The following BCAR3 variants were observed in gnomAD, a reference collection of about 807,000 sequenced individuals.
BCAR3 encodes breast cancer anti-estrogen resistance protein 3.
In BCAR3, 37 loss-of-function variants were observed where a neutral mutation model predicts 80.1. That is an observed-to-expected ratio of 0.46 (90% CI 0.36 to 0.61). The LOEUF is 0.61. Ranked by LOEUF, BCAR3 falls within the 20% of genes least tolerant of loss-of-function variation. The pLI is 0.00. For synonymous variants in BCAR3, 389 were observed against 418.9 expected (o/e 0.93, Z 0.87); for missense variants, 978 against 1,068.2 (o/e 0.92, Z 1.18).
chr1:93,699,667 T>C (rs1471367122), intron 3 of BCAR3, among the ~76,000 whole-genome samples: 1 of 152,168 alleles, frequency 6.6e-6, no homozygotes, highest in Non-Finnish European at 1.5e-5. Flanking sequence ...ACAAAGCATT[T>C]TCTCTCAGAG....
chr1:93,624,122 G>C (rs1675390495), intron 3 of BCAR3, among the ~76,000 whole-genome samples: 3 of 152,150 alleles, frequency 2.0e-5, no homozygotes, highest in Non-Finnish European at 4.4e-5. Flanking sequence ...CCCACACCCA[G>C]CACCTCCCAG....
At chr1:93,621,729 A>G (rs1349648032) in intron 3 of BCAR3, among the ~76,000 whole-genome samples, 2 of 152,194 alleles carry the variant, frequency 1.3e-5, no homozygotes, top group South Asian at 4.1e-4. Context: ...GAAAATTGGA[A>G]GAGCTACAAG....
intron 2 of BCAR3, among the ~76,000 whole-genome samples, chr1:93,645,896 G>A (rs1472072237): frequency 6.6e-6 from 1 of 151,854 alleles, no homozygotes; most frequent in Non-Finnish European, 1.5e-5. Context: ...CCTTTCATAT[G>A]AAAATTTAGG....
At chr1:93,798,146 G>T (rs1257700446) in intron 2 of BCAR3, among the ~76,000 whole-genome samples, 1 of 152,180 alleles carries the variant, frequency 6.6e-6, no homozygotes, top group African/African-American at 2.4e-5. Flanking sequence ...TGGACATGCT[G>T]TAATATAGGA....
intron 2 of BCAR3, among the ~76,000 whole-genome samples, chr1:93,782,293 G>A (rs910300466): frequency 5.9e-5 from 9 of 152,168 alleles, no homozygotes; most frequent in African/African-American, 2.2e-4. Context: ...TAATGTTCCT[G>A]GGGACCACTT....
At chr1:93,828,646 C>G (rs115224561) in intron 2 of BCAR3, among the ~76,000 whole-genome samples, 2 of 152,118 alleles carry the variant, frequency 1.3e-5, no homozygotes, top group African/African-American at 4.8e-5. Flanking sequence ...TAAAAGTGGA[C>G]AGTTTTCCCT....
At chr1:93,658,125 C>A (rs1056206515) in intron 2 of BCAR3, among the ~76,000 whole-genome samples, 2 of 151,740 alleles carry the variant, frequency 1.3e-5, no homozygotes, top group African/African-American at 4.8e-5. Context: ...ATTTTTAGTA[C>A]AGATGGGGTT....
chr1:93,827,185 G>C (rs1016977428), intron 2 of BCAR3, among the ~76,000 whole-genome samples: 2 of 152,140 alleles, frequency 1.3e-5, no homozygotes, highest in African/African-American at 4.8e-5. Context: ...TCTAACAAGT[G>C]AAACAAAAGC....
intron 2 of BCAR3, among the ~76,000 whole-genome samples, chr1:93,749,886 C>CTTTTTTTTTTTTTT (rs754541949): frequency 7.1e-6 from 1 of 140,402 alleles, no homozygotes; most frequent in Non-Finnish European, 1.5e-5. Flanking sequence ...ATGATCTTGA[C>CTTTTTTTTTTTTTT]TTATTTTTTT....
At chr1:93,637,338 A>T (rs1246329430) in intron 3 of BCAR3, among the ~76,000 whole-genome samples, 1 of 152,046 alleles carries the variant, frequency 6.6e-6, no homozygotes, top group African/African-American at 2.4e-5. Flanking sequence ...TATTTTTAGT[A>T]GAGTCGGGGC....
chr1:93,748,653 C>T (rs928439642), intron 2 of BCAR3, among the ~76,000 whole-genome samples: 1 of 152,226 alleles, frequency 6.6e-6, no homozygotes, highest in South Asian at 2.1e-4. Context: ...TCCTTACTGT[C>T]TGCACAATTA....
intron 3 of BCAR3, among the ~76,000 whole-genome samples, chr1:93,610,373 G>C (rs1399058865): frequency 6.6e-6 from 1 of 152,138 alleles, no homozygotes; most frequent in Non-Finnish European, 1.5e-5. Context: ...TGGGTCTGCT[G>C]CTCCCCCAGG....
chr1:93,591,519 C>G (rs1016016081), intron 4 of BCAR3, among the ~76,000 whole-genome samples: 7 of 152,186 alleles, frequency 4.6e-5, no homozygotes, highest in Admixed American at 2.6e-4. Flanking sequence ...TTCCCCCCAG[C>G]CCCTGTCCAC....
intron 3 of BCAR3, among the ~76,000 whole-genome samples, chr1:93,600,277 C>G (rs891243823): frequency 1.1e-4 from 16 of 152,206 alleles, no homozygotes. Context: ...CCCATGGCCC[C>G]TGACATATAC....
chr1:93,666,495 T>C (rs1197874251), intron 2 of BCAR3, among the ~76,000 whole-genome samples: 3 of 152,198 alleles, frequency 2.0e-5, no homozygotes, highest in African/African-American at 7.2e-5. Context: ...CATTTTGTAG[T>C]TACGTACTTA....
chr1:93,830,345 CT>C (rs575817127), intron 2 of BCAR3, among the ~76,000 whole-genome samples: 234 of 152,292 alleles, frequency 1.5e-3, no homozygotes, highest in African/African-American at 5.3e-3. Context: ...TCTGTCAGGA[CT>C]CTGAGCCCAA....
At chr1:93,799,101 G>C (rs1273234831) in intron 2 of BCAR3, among the ~76,000 whole-genome samples, 1 of 152,216 alleles carries the variant, frequency 6.6e-6, no homozygotes, top group Non-Finnish European at 1.5e-5. Context: ...AGTTTCCTGA[G>C]TAGCCTTGAG....
intron 2 of BCAR3, among the ~76,000 whole-genome samples, chr1:93,799,318 ATTTTCCT>A (rs1476799392): frequency 2.1e-4 from 32 of 152,134 alleles, no homozygotes; most frequent in Non-Finnish European, 4.3e-4. Context: ...CCCTTGTAAG[ATTTTCCT>A]TTATTTACTG....
At chr1:93,762,639 T>C (rs1027889780) in intron 2 of BCAR3, among the ~76,000 whole-genome samples, 1 of 152,106 alleles carries the variant, frequency 6.6e-6, no homozygotes, top group African/African-American at 2.4e-5. Flanking sequence ...AACCCAATCA[T>C]TGTCACGTCC....
Sources: gnomAD v4.1 joint callset for allele counts (sites outside exome capture counted in the v4.1 genomes callset) on GRCh38, gnomAD v4.1.1 for gene constraint, MANE v1.5 for transcripts, NCBI Gene and HGNC (gene_info 2026-07-23, HGNC 2026-07-21) for gene names.